The following C7orf33 variants were observed in gnomAD, a reference collection of about 807,000 sequenced individuals.
C7orf33 encodes the protein chromosome 7 open reading frame 33.
A neutral mutation model predicts 13.4 loss-of-function variants in C7orf33; 15 were observed. That is an observed-to-expected ratio of 1.12 (90% CI 0.75 to 1.72). C7orf33 has a LOEUF of 1.72. Ranked by LOEUF, C7orf33 falls within the 40% of genes most tolerant of loss-of-function variation. C7orf33 has a pLI of 0.00. For synonymous variants in C7orf33, 73 were observed against 83.2 expected, an observed-to-expected ratio of 0.88 and a Z score of 0.67; for missense variants, 187 against 220.3, an observed-to-expected ratio of 0.85 and a Z score of 0.96.
intron 1 of C7orf33, among the ~76,000 whole-genome samples, chr7:148,607,507 A>C (rs1209355436): frequency 6.6e-6 from 1 of 152,204 alleles, no homozygotes; most frequent in African/African-American, 2.4e-5. Context: ...AGATTTATTG[A>C]TTAAAAAGAG....
chr7:148,598,747 TATATATATATATATATAGAGAGAGAGAG>T (rs1246913390), intron 1 of C7orf33, among the ~76,000 whole-genome samples: 38 of 71,464 alleles, frequency 5.3e-4, no homozygotes, highest in African/African-American at 1.8e-3. Flanking sequence ...TATATATATA[TATATATATATATATATAGAGAGAGAGAG>T]AGAGAGAGAG....
In C7orf33 at chr7:148,599,469, A is replaced by ATTT. The variant is rs34816972; in HGVS notation, c.204+8360_204+8362dup. On this transcript the variant is annotated intron_variant, in intron 1 of 2. Transcript: ENST00000307003. ...CCAGGTTCAAATTTACAATTCTCAG[A>ATTT]TTTTTTTTTTTTTTTTTTTTTTGAG... Among the ~76,000 whole-genome samples, 332 of 122,958 alleles carry ATTT rather than the reference A, an allele frequency of 2.7e-3. 7 individuals are homozygous for ATTT. The highest frequency in any genetic ancestry group is 0.01 in the African/African-American group (316 of 31,186). The allele number at this position is 122,958 out of a possible 152,430, so 80.7% of individuals were successfully genotyped here.
intron 1 of C7orf33, among the ~76,000 whole-genome samples, chr7:148,591,576 C>A (rs1257276309): frequency 6.6e-6 from 1 of 151,990 alleles, no homozygotes. Context: ...CTTTAAAGAC[C>A]AGGAGTTGTT....
intron 1 of C7orf33, among the ~76,000 whole-genome samples, chr7:148,611,436 C>T (rs781477119): frequency 3.3e-5 from 5 of 152,130 alleles, no homozygotes; most frequent in East Asian, 1.9e-4. Context: ...AAAAGAGGGA[C>T]GTCTTGATGC....
Position 148,590,798 on chromosome 7 carries a change from C to T in C7orf33, c.-128C>T, listed in dbSNP as rs778217610. On this transcript the variant is annotated 5_prime_UTR_variant, in exon 1 of 3. Transcript: ENST00000307003. ...GTGATGCCAATCCAGTGGTCAGGAG[C>T]GAGGCGCCCAGCCTGTGTCTGAATC... 70 of 827,794 alleles carry T rather than the reference C, an allele frequency of 8.5e-5. No individual in the cohort carries two copies. The highest frequency in any genetic ancestry group is 1.2e-4 in the Non-Finnish European group (62 of 500,642). 51.3% of individuals were successfully genotyped at this position (827,794 alleles called of 1,614,324 possible). A position where few individuals can be genotyped will look rare whatever the true frequency, so the allele number is the denominator to read the frequency against.
intron 1 of C7orf33, among the ~76,000 whole-genome samples, chr7:148,595,398 T>C (rs1370201545): frequency 7.6e-6 from 1 of 131,026 alleles, no homozygotes; most frequent in Non-Finnish European, 1.6e-5. Context: ...AGATATATCA[T>C]AGATAATATA....
intron 1 of C7orf33, among the ~76,000 whole-genome samples, chr7:148,608,431 A>AAATAAT (rs140792362): frequency 3.3e-5 from 5 of 149,538 alleles, no homozygotes; most frequent in African/African-American, 9.9e-5. Flanking sequence ...CTGCATCTCG[A>AAATAAT]AATAATAATA....
At chr7:148,601,451 T>C (rs922272859) in intron 1 of C7orf33, among the ~76,000 whole-genome samples, 1 of 151,036 alleles carries the variant, frequency 6.6e-6, no homozygotes, top group Non-Finnish European at 1.5e-5. Context: ...GCTCAAGCCA[T>C]CCTCCCACCT....
Position 148,613,368 on chromosome 7 carries a change from G to A in C7orf33, c.205-674G>A, listed in dbSNP as rs575768665. On this transcript the variant is annotated intron_variant, in intron 1 of 2. Coordinates refer to ENST00000307003, the MANE Select transcript of C7orf33 (RefSeq NM_145304.4). ...CACAAAAGCTCTGTACACAAATAAC[G>A]TGCATAGCAGCATTATTCATAATAC... Among the ~76,000 whole-genome samples the A allele has an allele frequency of 1.2e-4, 18 of 152,258 alleles. No homozygotes were observed. The South Asian group carries it at 2.5e-3, about 21-fold the overall frequency.
At chr7:148,610,463 T>C (rs548126389) in intron 1 of C7orf33, among the ~76,000 whole-genome samples, 1 of 152,320 alleles carries the variant, frequency 6.6e-6, no homozygotes, top group South Asian at 2.1e-4. Context: ...CTCCGAGTTC[T>C]TCAGTTTTGG....
intron 1 of C7orf33, among the ~76,000 whole-genome samples, chr7:148,607,692 C>T (rs189928144): frequency 1.5e-4 from 23 of 152,134 alleles, no homozygotes; most frequent in African/African-American, 5.3e-4. Flanking sequence ...TTTTGACCAA[C>T]CTTAAAAAAA....
intron 1 of C7orf33, among the ~76,000 whole-genome samples, chr7:148,612,113 T>C (rs1022538376): frequency 2.6e-5 from 4 of 152,232 alleles, no homozygotes; most frequent in African/African-American, 9.6e-5. Context: ...GATTAAATTC[T>C]CCCCAGTCAG....
chr7:148,591,481 C>T (rs1796268903), intron 1 of C7orf33, among the ~76,000 whole-genome samples: 1 of 152,218 alleles, frequency 6.6e-6, no homozygotes, highest in African/African-American at 2.4e-5. Context: ...GATGGGTCCA[C>T]AGGAAGCCTC....
At chr7:148,610,944 G>C (rs1038341707) in intron 1 of C7orf33, among the ~76,000 whole-genome samples, 1 of 152,112 alleles carries the variant, frequency 6.6e-6, no homozygotes, top group African/African-American at 2.4e-5. Context: ...GGCCCCAGAG[G>C]CTGGCCTTAT....
chr7:148,598,464 T>C (rs1162396677), intron 1 of C7orf33, among the ~76,000 whole-genome samples: 1 of 151,966 alleles, frequency 6.6e-6, no homozygotes, highest in Non-Finnish European at 1.5e-5. Flanking sequence ...CTGAGAACTG[T>C]TTGTTTCTGG....
At chr7:148,596,895 A>G (rs1211217409) in intron 1 of C7orf33, among the ~76,000 whole-genome samples, 1 of 152,176 alleles carries the variant, frequency 6.6e-6, no homozygotes, top group Admixed American at 6.5e-5. Context: ...AATGTCATAT[A>G]TAGTTGGAAT....
intron 1 of C7orf33, among the ~76,000 whole-genome samples, chr7:148,604,717 A>C (rs1052475230): frequency 4.6e-5 from 7 of 152,206 alleles, no homozygotes; most frequent in African/African-American, 1.7e-4. Context: ...AAATTTTAAA[A>C]ATAATTCCAA....
rs753987094 is a variant in C7orf33, at chr7:148,614,031, G to GT, written c.205-5dup. On this transcript the variant is annotated splice_polypyrimidine_tract_variant and intron_variant, in intron 1 of 2. Transcript: ENST00000307003. ...TTTAACCCAATTTGTTTGTTTGTTT[G>GT]TTTTTTCCAGAAGCCAAACCCACAC... The GT allele has an allele frequency of 1.3e-5, 21 of 1,610,434 alleles. No individual in the cohort carries two copies. Among genetic ancestry groups the GT allele is most frequent in the Non-Finnish European group, 1.8e-5 (21 of 1,177,486 alleles).
intron 1 of C7orf33, among the ~76,000 whole-genome samples, chr7:148,596,597 C>T (rs1175433843): frequency 6.6e-6 from 1 of 152,062 alleles, no homozygotes; most frequent in East Asian, 1.9e-4. Context: ...CTGATAAAAC[C>T]CTCAGATCCC....
Sources: gnomAD v4.1 joint callset for allele counts (sites outside exome capture counted in the v4.1 genomes callset) on GRCh38, gnomAD v4.1.1 for gene constraint, MANE v1.5 for transcripts, NCBI Gene and HGNC (gene_info 2026-07-23, HGNC 2026-07-21) for gene names.